The following RNF121 variants were observed in gnomAD, a reference collection of about 807,000 sequenced individuals.
RNF121 encodes ring finger protein 121.
RNF121 carries 21 observed loss-of-function variants against 46.5 expected under a neutral mutation model. The ratio of observed to expected loss-of-function variants is 0.45; its 90% CI spans 0.32 to 0.65. The LOEUF (loss-of-function observed/expected upper bound fraction) is 0.65, where lower values mean the gene tolerates loss of function less well. Ranked by LOEUF, RNF121 falls within the 30% of genes least tolerant of loss-of-function variation. The pLI, the probability that RNF121 is intolerant of heterozygous loss-of-function variation, is 0.04. For synonymous variants in RNF121, 139 were observed against 144.7 expected, an observed-to-expected ratio of 0.96 and a Z score of 0.28; for missense variants, 346 against 416.0, an observed-to-expected ratio of 0.83 and a Z score of 1.46.
intron 1 of RNF121, among the ~76,000 whole-genome samples, chr11:71,942,772 G>GTA (rs1201537010): frequency 0.036 from 688 of 18,948 alleles, 9 homozygotes; most frequent in African/African-American, 0.054. Context: ...CTATATATCT[G>GTA]TATATATATA....
intron 8 of RNF121, among the ~76,000 whole-genome samples, 160 bp downstream of exon 8, chr11:71,995,711 A>G (rs1197234712): frequency 6.6e-6 from 1 of 152,128 alleles, no homozygotes; most frequent in Non-Finnish European, 1.5e-5. Flanking sequence ...CCCCCATGAT[A>G]CAACCCCAGT....
intron 3 of RNF121, among the ~76,000 whole-genome samples, chr11:71,981,053 T>C (rs1280522296): frequency 6.6e-6 from 1 of 152,056 alleles, no homozygotes; most frequent in African/African-American, 2.4e-5. Context: ...GTAAATACTT[T>C]CTTTTTTTTT....
intron 4 of RNF121, among the ~76,000 whole-genome samples, chr11:71,986,727 C>T (rs981417093): frequency 6.9e-6 from 1 of 145,420 alleles, no homozygotes; most frequent in African/African-American, 2.6e-5. Flanking sequence ...TGAGATTGTG[C>T]CACTGCACTC....
At chr11:71,990,526 G>C in intron 5 of RNF121, 71 bp from the exon 6 acceptor site, 1 of 1,570,196 alleles carries the variant, frequency 6.4e-7, no homozygotes, top group Non-Finnish European at 8.6e-7. Flanking sequence ...TGCCTTGTGT[G>C]TCCCAGAGTA....
chr11:71,955,485 G>T (rs1209661124), intron 1 of RNF121, among the ~76,000 whole-genome samples: 2 of 152,154 alleles, frequency 1.3e-5, no homozygotes, highest in Non-Finnish European at 2.9e-5. Flanking sequence ...GCTGGAGAAA[G>T]GCAGAGGACC....
At chr11:71,941,403 A>G (rs1953565025) in intron 1 of RNF121, among the ~76,000 whole-genome samples, 1 of 152,250 alleles carries the variant, frequency 6.6e-6, no homozygotes. Flanking sequence ...TGTATTAATT[A>G]TTCATTATTT....
chr11:71,955,900 G>C (rs1332207722), intron 1 of RNF121, among the ~76,000 whole-genome samples: 1 of 152,194 alleles, frequency 6.6e-6, no homozygotes. Context: ...GGCAGTGTGG[G>C]TAGGAAAAGG....
chr11:71,986,878 GC>G, intron 4 of RNF121, 125 bp from the exon 5 acceptor site: 1 of 631,982 alleles, frequency 1.6e-6, no homozygotes, highest in Middle Eastern at 3.0e-4. Flanking sequence ...AACTGAAGTT[GC>G]TCAGTAAGTC....
At chr11:71,952,459 A>T (rs1191558286) in intron 1 of RNF121, among the ~76,000 whole-genome samples, 1 of 152,222 alleles carries the variant, frequency 6.6e-6, no homozygotes, top group Non-Finnish European at 1.5e-5. Flanking sequence ...TTAAAATTTT[A>T]AATTGACAAT....
chr11:71,937,567 CCT>C (rs1384280293), intron 1 of RNF121, among the ~76,000 whole-genome samples: 4 of 152,204 alleles, frequency 2.6e-5, no homozygotes, highest in Admixed American at 6.5e-5. Flanking sequence ...TATGTGAACT[CCT>C]CTAATGATAG....
intron 7 of RNF121, 138 bp from the exon 8 acceptor site, chr11:71,995,312 A>G (rs2134224964): frequency 2.9e-6 from 2 of 689,912 alleles, no homozygotes; most frequent in East Asian, 5.4e-5. Context: ...CATGTGAGGA[A>G]ACAGGTTCAG....
chr11:71,947,256 C>T (rs554424704), intron 1 of RNF121, among the ~76,000 whole-genome samples: 2 of 152,024 alleles, frequency 1.3e-5, no homozygotes, highest in Non-Finnish European at 2.9e-5. Flanking sequence ...ACCTGTAATC[C>T]GAGCACTTTG....
At chr11:71,935,276 T>C (rs1953379752) in intron 1 of RNF121, among the ~76,000 whole-genome samples, 1 of 152,230 alleles carries the variant, frequency 6.6e-6, no homozygotes, top group Admixed American at 6.5e-5. Flanking sequence ...TTATAAGATA[T>C]GTACTATTAT....
intron 3 of RNF121, among the ~76,000 whole-genome samples, chr11:71,963,609 A>T (rs1590792141): frequency 6.6e-6 from 1 of 151,126 alleles, no homozygotes; most frequent in Non-Finnish European, 1.5e-5. Context: ...ACAGAGCAAG[A>T]CTCCTTCCCA....
chr11:71,954,553 G>T (rs867029761), intron 1 of RNF121, among the ~76,000 whole-genome samples: 3 of 152,268 alleles, frequency 2.0e-5, no homozygotes, highest in Middle Eastern at 6.8e-3. Context: ...GAAATCACTT[G>T]ATCACCTTGA....
chr11:71,937,196 A>T (rs1215438704), intron 1 of RNF121, among the ~76,000 whole-genome samples: 1 of 152,190 alleles, frequency 6.6e-6, no homozygotes, highest in Non-Finnish European at 1.5e-5. Context: ...TGTCTTTTCC[A>T]TTAGGCAGGG....
chr11:71,969,711 C>T (rs10751190), intron 3 of RNF121, among the ~76,000 whole-genome samples: 135,109 of 152,092 alleles, frequency 0.89, 60,264 homozygotes, highest in Non-Finnish European at 0.94. Context: ...CACAGGTGTG[C>T]ACCACCCTTG....
At chr11:71,958,421 C>T (rs1477207582) in intron 2 of RNF121, among the ~76,000 whole-genome samples, 3 of 151,988 alleles carry the variant, frequency 2.0e-5, no homozygotes, top group Non-Finnish European at 4.4e-5. Context: ...TATGGAGTAT[C>T]GGATTAGGTC....
intron 3 of RNF121, among the ~76,000 whole-genome samples, chr11:71,961,263 A>G (rs1033715877): frequency 6.6e-6 from 1 of 152,198 alleles, no homozygotes; most frequent in African/African-American, 2.4e-5. Flanking sequence ...CACTAATCTA[A>G]ATTTTTTTAA....
Sources: gnomAD v4.1 joint callset for allele counts (sites outside exome capture counted in the v4.1 genomes callset) on GRCh38, gnomAD v4.1.1 for gene constraint, MANE v1.5 for transcripts, NCBI Gene and HGNC (gene_info 2026-07-23, HGNC 2026-07-21) for gene names.